AKAP6: variants seen among roughly 807,000 people sequenced by gnomAD.
AKAP6 encodes the protein A-kinase anchor protein 6.
A neutral mutation model predicts 188.5 loss-of-function variants in AKAP6; 58 were observed. That is an observed-to-expected ratio of 0.31 (90% CI 0.25 to 0.38). AKAP6 has a LOEUF of 0.38. Ranked by LOEUF, AKAP6 falls within the 10% of genes least tolerant of loss-of-function variation. The pLI is 1.00. For missense variants in AKAP6, 2,710 were observed against 2,740.0 expected (o/e 0.99, Z 0.24); for synonymous variants, 989 against 998.6 (o/e 0.99, Z 0.18).
chr14:32,484,441 G>A lies in AKAP6; in HGVS notation c.324+50624G>A, dbSNP rs1249904121. The A allele has an allele frequency of 3.0e-5, 5 of 168,148 alleles. 1 individual carries two copies. Among genetic ancestry groups the A allele is most frequent in the Non-Finnish European group, 2.6e-5 (3 of 116,076 alleles). The allele number at this position is 168,148 out of a possible 1,614,324, so 10.4% of individuals were successfully genotyped here. On this transcript the variant is annotated intron_variant, in intron 2 of 13. Transcript: ENST00000280979. The stretch of plus-strand genomic sequence containing the variant: ...AGACTGTCCAACCTGTTCCGGCGCC[G>A]GCTTCCACTATGGCAGATGCAAGCA...
intron 4 of AKAP6, among the ~76,000 whole-genome samples, chr14:32,570,047 G>A (rs1884406109): frequency 6.6e-6 from 1 of 151,518 alleles, no homozygotes; most frequent in Non-Finnish European, 1.5e-5. Flanking sequence ...TTGACCATGT[G>A]AGGTGAAAGC....
intron 9 of AKAP6, among the ~76,000 whole-genome samples, chr14:32,728,524 CTTGTT>C (rs1189652265): frequency 1.3e-5 from 2 of 152,012 alleles, no homozygotes; most frequent in African/African-American, 2.4e-5. Flanking sequence ...GATCATTTTC[CTTGTT>C]TTAACTTTTC....
chr14:32,786,296 A>ATGTTTTTTTTGTTTTT, intron 12 of AKAP6, among the ~76,000 whole-genome samples: 1 of 93,706 alleles, frequency 1.1e-5, no homozygotes. Context: ...CTAAACCTTT[A>ATGTTTTTTTTGTTTTT]TCTTTTTTTT....
intron 8 of AKAP6, chr14:32,693,498 C>A (rs1017457414): frequency 2.0e-5 from 3 of 152,208 alleles, no homozygotes; most frequent in Non-Finnish European, 4.4e-5. Flanking sequence ...TCTACAACAT[C>A]CCCACTCCAG....
chr14:32,431,793 C>T (rs574735028), intron 1 of AKAP6, among the ~76,000 whole-genome samples: 3 of 152,304 alleles, frequency 2.0e-5, no homozygotes, highest in Non-Finnish European at 2.9e-5. Context: ...GGATTACAGG[C>T]GTGAGCCACC....
rs1231187192 is a variant in AKAP6 at position 32,568,711 on chromosome 14, A to G, written c.2347-8409A>G. The stretch of plus-strand genomic sequence containing the variant: ...ATACCTGACAATGTTGGGAGCTTGT[A>G]AAGTGTTTGATCTTGTCTGTGCTTC... On this transcript the variant is annotated intron_variant, in intron 4 of 13. Transcript: ENST00000280979. The surrounding 1 kb of genome is among the most constrained non-coding windows in gnomAD (Gnocchi z 6.2). Among the ~76,000 whole-genome samples the G allele has an allele frequency of 6.6e-6, 1 of 152,116 alleles. No homozygotes were observed. The highest frequency in any genetic ancestry group is 2.4e-5 in the African/African-American group (1 of 41,432).
intron 2 of AKAP6, among the ~76,000 whole-genome samples, chr14:32,502,777 C>A (rs1350757886): frequency 3.3e-5 from 5 of 152,066 alleles, no homozygotes; most frequent in Admixed American, 2.0e-4. Context: ...AATATAAAGT[C>A]TTCTTATTAT....
intron 7 of AKAP6, among the ~76,000 whole-genome samples, chr14:32,634,020 C>G (rs2139463177): frequency 6.6e-6 from 1 of 152,164 alleles, no homozygotes; most frequent in East Asian, 1.9e-4. Context: ...TGTTTTTACT[C>G]CACACAGCCT....
chr14:32,486,987 C>G (rs1396149855), intron 2 of AKAP6, among the ~76,000 whole-genome samples: 1 of 152,098 alleles, frequency 6.6e-6, no homozygotes, highest in African/African-American at 2.4e-5. Context: ...GTGAGAAATG[C>G]TCCATCAATA....
intron 4 of AKAP6, among the ~76,000 whole-genome samples, chr14:32,559,978 T>C (rs1306519723): frequency 1.3e-5 from 2 of 151,758 alleles, no homozygotes; most frequent in Non-Finnish European, 2.9e-5. Context: ...AAAGGGCAAA[T>C]TGATAAAATT....
rs570841147 is a variant in AKAP6 at position 32,540,428 on chromosome 14, G to A, written c.576+4623G>A. 2.6e-5 allele frequency among the ~76,000 whole-genome samples: 4 copies of A among 151,850 alleles called. No individual in the cohort carries two copies. The East Asian group carries it at 7.7e-4, about 29-fold the overall frequency. On this transcript the variant is annotated intron_variant, in intron 3 of 13. Coordinates refer to ENST00000280979, the MANE Select transcript of AKAP6 (RefSeq NM_004274.5). Reference sequence around the variant, plus strand: ...TGCCCAGGTTAGTCTTGAACTCCTAGGCTCAAGCAAACCACCTGCCTCATC... The same window carrying A: ...TGCCCAGGTTAGTCTTGAACTCCTAAGCTCAAGCAAACCACCTGCCTCATC...
chr14:32,657,101 G>A (rs763394634), intron 7 of AKAP6, among the ~76,000 whole-genome samples: 14 of 152,144 alleles, frequency 9.2e-5, no homozygotes, highest in African/African-American at 2.2e-4. Context: ...TGCCCTCAGC[G>A]CAGATCCAGA....
intron 7 of AKAP6, among the ~76,000 whole-genome samples, chr14:32,651,039 C>T (rs1888201226): frequency 6.6e-6 from 1 of 152,102 alleles, no homozygotes. Context: ...TACAGAGAGA[C>T]AACTAGAGAT....
intron 11 of AKAP6, among the ~76,000 whole-genome samples, chr14:32,761,950 C>G (rs2032554497): frequency 6.6e-6 from 1 of 151,878 alleles, no homozygotes; most frequent in Non-Finnish European, 1.5e-5. Context: ...GAACTAATTC[C>G]CACAGAATCA....
intron 2 of AKAP6, among the ~76,000 whole-genome samples, chr14:32,516,648 T>G (rs1166352603): frequency 6.6e-6 from 1 of 152,176 alleles, no homozygotes; most frequent in Non-Finnish European, 1.5e-5. Flanking sequence ...TTACCACAAA[T>G]TTTTGGGGTG....
chr14:32,714,444 A>T (rs1255037770), intron 9 of AKAP6, among the ~76,000 whole-genome samples: 1 of 151,974 alleles, frequency 6.6e-6, no homozygotes, highest in African/African-American at 2.4e-5. Context: ...TATTTTTTTT[A>T]AAGTACCATA....
chr14:32,770,062 T>C (rs976133474), intron 11 of AKAP6, among the ~76,000 whole-genome samples: 2 of 152,196 alleles, frequency 1.3e-5, no homozygotes, highest in African/African-American at 4.8e-5. Context: ...ATGATTGGTT[T>C]AAACAGTTGA....
chr14:32,641,811 T>C (rs1887769438), intron 7 of AKAP6, among the ~76,000 whole-genome samples: 2 of 152,090 alleles, frequency 1.3e-5, no homozygotes, highest in Admixed American at 1.3e-4. Context: ...AAATTCCATC[T>C]AAGGAAAATG....
At chr14:32,819,845 G>T (rs1279246458) in intron 12 of AKAP6, among the ~76,000 whole-genome samples, 1 of 152,076 alleles carries the variant, frequency 6.6e-6, no homozygotes, top group Admixed American at 6.6e-5. Context: ...ATACTTGGGA[G>T]GCTAAGGCGG....
Sources: allele counts gnomAD v4.1 joint callset (sites outside exome capture counted in the v4.1 genomes callset), GRCh38; gene constraint gnomAD v4.1.1; non-coding constraint Gnocchi (gnomAD v3.1); transcripts MANE v1.5; gene names NCBI Gene and HGNC (gene_info 2026-07-23, HGNC 2026-07-21).